ABCD3: variants seen among roughly 807,000 people sequenced by gnomAD.
The protein encoded by ABCD3 is ATP binding cassette subfamily D member 3.
In ABCD3, 41 loss-of-function variants were observed where a neutral mutation model predicts 105.5. That is an observed-to-expected ratio of 0.39 (90% confidence interval 0.30 to 0.50). The LOEUF (loss-of-function observed/expected upper bound fraction) is 0.50. Among genes scored for constraint, ABCD3 ranks in the 20% least tolerant of loss-of-function variants. The pLI is 0.84. For synonymous variants in ABCD3, 258 were observed against 269.0 expected (o/e 0.96, Z 0.40); for missense variants, 622 against 806.3 (o/e 0.77, Z 2.77).
At chr1:94,420,032 A>G (rs1659196631) in intron 1 of ABCD3, among the ~76,000 whole-genome samples, 1 of 152,208 alleles carries the variant, frequency 6.6e-6, no homozygotes, top group Non-Finnish European at 1.5e-5. Context: ...GAAGTGTTTC[A>G]GGGCATAGAA....
At chr1:94,427,771 C>T (rs371491019) in intron 1 of ABCD3, among the ~76,000 whole-genome samples, 1 of 152,184 alleles carries the variant, frequency 6.6e-6, no homozygotes, top group Non-Finnish European at 1.5e-5. Flanking sequence ...CCACTGTGCT[C>T]GACCCTATTA....
At chr1:94,457,423 G>A (rs937945695) in intron 1 of ABCD3, among the ~76,000 whole-genome samples, 8 of 152,036 alleles carry the variant, frequency 5.3e-5, no homozygotes, top group South Asian at 2.1e-4. Context: ...ATGTGCATTC[G>A]GCAGATCATC....
intron 22 of ABCD3, 109 bp from the exon 23 acceptor site, chr1:94,516,943 A>G: frequency 1.2e-6 from 1 of 813,568 alleles, no homozygotes; most frequent in Non-Finnish European, 2.2e-6. Flanking sequence ...GGATGCTTAT[A>G]GATTTAGCTC....
the ABCD3 span, among the ~76,000 whole-genome samples, chr1:94,386,786 C>G: frequency 6.6e-6 from 1 of 152,142 alleles, no homozygotes; most frequent in Non-Finnish European, 1.5e-5. Flanking sequence ...ACCCAAGAGG[C>G]GGAGGTTGCA....
At chr1:94,474,103 T>TA (rs1175302799) in intron 5 of ABCD3, among the ~76,000 whole-genome samples, 1 of 150,114 alleles carries the variant, frequency 6.7e-6, no homozygotes, top group African/African-American at 2.5e-5. Context: ...ATTTTTTTTT[T>TA]AACCTTCAGT....
At chr1:94,413,147 A>T in the ABCD3 span, among the ~76,000 whole-genome samples, 1 of 152,154 alleles carries the variant, frequency 6.6e-6, no homozygotes, top group Non-Finnish European at 1.5e-5. Flanking sequence ...CAAGATTATA[A>T]GATAAATGTA....
rs561634140 is a variant in ABCD3 at position 94,483,416 on chromosome 1, TATG to T, written c.897+179_897+181del. On this transcript the variant is annotated intron_variant, in intron 10 of 22. Coordinates refer to ENST00000370214, the MANE Select transcript of ABCD3 (RefSeq NM_002858.4). ...TTTATACTGCATTTTTAATAAAAAATATGAGATTAAAAACTATCATATCAATAT... is the reference window on the plus strand; with the variant it reads ...TTTATACTGCATTTTTAATAAAAAATAGATTAAAAACTATCATATCAATAT... Among the ~76,000 whole-genome samples, 10 of 152,252 alleles carry T rather than the reference TATG, an allele frequency of 6.6e-5. No homozygotes were observed. In the South Asian group the frequency reaches 2.1e-3, roughly 31 times the overall value.
chr1:94,416,088 TCTGA>T (rs751176986), upstream of ABCD3, among the ~76,000 whole-genome samples: 13 of 152,340 alleles, frequency 8.5e-5, no homozygotes, highest in Non-Finnish European at 1.0e-4. Context: ...CTATCTTTCC[TCTGA>T]CTGTTTTGAA....
chr1:94,495,284 A>G (rs1429721251), intron 16 of ABCD3, among the ~76,000 whole-genome samples: 3 of 152,152 alleles, frequency 2.0e-5, no homozygotes, highest in Non-Finnish European at 2.9e-5. Flanking sequence ...TTTGGGGGGT[A>G]TATTTTTATT....
chr1:94,441,879 G>T (rs1216874514), intron 1 of ABCD3, among the ~76,000 whole-genome samples: 1 of 152,134 alleles, frequency 6.6e-6, no homozygotes, highest in Non-Finnish European at 1.5e-5. Flanking sequence ...GTCAAAAGGA[G>T]GGGGTGGTTG....
intron 1 of ABCD3, among the ~76,000 whole-genome samples, chr1:94,435,149 T>C (rs940329371): frequency 6.6e-6 from 1 of 152,224 alleles, no homozygotes; most frequent in African/African-American, 2.4e-5. Context: ...TCCCATAAAT[T>C]GGTAGTTGGA....
chr1:94,480,203 G>T, intron 8 of ABCD3: 1 of 504,520 alleles, frequency 2.0e-6, no homozygotes, highest in Non-Finnish European at 3.5e-6. Context: ...ACTGTGAACT[G>T]CAATTAGGAG....
intron 16 of ABCD3, among the ~76,000 whole-genome samples, chr1:94,493,107 A>G (rs976712486): frequency 6.6e-6 from 1 of 151,864 alleles, no homozygotes; most frequent in African/African-American, 2.4e-5. Flanking sequence ...GGATCTAATT[A>G]AACTAAAGAG....
At chr1:94,420,720 T>C (rs973827228) in intron 1 of ABCD3, among the ~76,000 whole-genome samples, 4 of 152,212 alleles carry the variant, frequency 2.6e-5, no homozygotes, top group Non-Finnish European at 5.9e-5. Context: ...CAAATATCTT[T>C]TAGTCACCAC....
In ABCD3 at chr1:94,467,923, G is replaced by A; in HGVS notation, c.251G>A (p.Gly84Asp). The A allele has an allele frequency of 6.2e-7, 1 of 1,610,610 alleles. No homozygotes were observed. Among genetic ancestry groups the A allele is most frequent in the Non-Finnish European group, 8.5e-7 (1 of 1,177,210 alleles). ...MVPRTFCKET[G>D]YLVLIAVMLV... ...ACTATACCTGGTTTATTTTAGACAG[G>A]TTACTTGGTACTTATTGCTGTTATG... Residue 84 changes from glycine to aspartate, a missense_variant, in exon 4 of 23, where the codon GGT becomes GAT. Physicochemically the swap from Gly to Asp is moderately conservative, Grantham distance 94 (BLOSUM62 -1). Coordinates refer to ENST00000370214, the MANE Select transcript of ABCD3 (RefSeq NM_002858.4).
chr1:94,510,427 GA>G (rs1650600585), intron 21 of ABCD3, among the ~76,000 whole-genome samples: 2 of 151,796 alleles, frequency 1.3e-5, no homozygotes, highest in Non-Finnish European at 1.5e-5. Flanking sequence ...GTCAATTTTG[GA>G]ATAGGTGTGG....
chr1:94,495,529 G>A (rs1457316274), intron 16 of ABCD3, among the ~76,000 whole-genome samples: 1 of 152,160 alleles, frequency 6.6e-6, no homozygotes, highest in Non-Finnish European at 1.5e-5. Flanking sequence ...CAAATGCCGT[G>A]AAGTAAAGAA....
At chr1:94,419,429 AAGAG>A (rs999023166) in intron 1 of ABCD3, 17 of 862,928 alleles carry the variant, frequency 2.0e-5, no homozygotes, top group South Asian at 1.1e-4. Context: ...AAAAGTAAAA[AAGAG>A]AGAGCTGAAT....
At chr1:94,474,577 C>T (rs1648639574) in intron 5 of ABCD3, among the ~76,000 whole-genome samples, 2 of 151,896 alleles carry the variant, frequency 1.3e-5, no homozygotes, top group Non-Finnish European at 2.9e-5. Context: ...TTAAAATAAA[C>T]AATTGGAATA....
Sources: gnomAD v4.1 joint callset for allele counts (sites outside exome capture counted in the v4.1 genomes callset) on GRCh38, gnomAD v4.1.1 for gene constraint, MANE v1.5 for transcripts, NCBI Gene and HGNC (gene_info 2026-07-23, HGNC 2026-07-21) for gene names.